TMEM170A: variants seen among roughly 807,000 people sequenced by gnomAD.
The protein encoded by TMEM170A is transmembrane protein 170.
A neutral mutation model predicts 12.8 loss-of-function variants in TMEM170A; 18 were observed. The ratio of observed to expected loss-of-function variants is 1.41; its 90% confidence interval spans 0.97 to 2.09. The LOEUF (loss-of-function observed/expected upper bound fraction) is 2.09, where lower values mean the gene tolerates loss of function less well. Ranked by LOEUF, TMEM170A falls within the 30% of genes most tolerant of loss-of-function variation. The pLI is 0.00. For synonymous variants in TMEM170A, 107 were observed against 76.2 expected (o/e 1.40, Z -2.11); for missense variants, 220 against 179.9 (o/e 1.22, Z -1.28).
chr16:75,461,517 G>A (rs2079908535), intron 1 of TMEM170A, among the ~76,000 whole-genome samples: 3 of 152,216 alleles, frequency 2.0e-5, no homozygotes, highest in African/African-American at 4.8e-5. Context: ...TACACTGCAA[G>A]TAACCTTTTC....
chr16:75,464,588 C>T lies in TMEM170A; in HGVS notation c.13G>A (p.Gly5Arg), dbSNP rs1567707783. The change falls in exon 1 of 3, where the codon GGG becomes AGG. Residue 5 changes from glycine to arginine, a missense_variant. Gly to Arg is a moderately radical substitution (Grantham distance 125). Transcript: ENST00000561878. The stretch of plus-strand genomic sequence containing the variant: ...GCCGACCCGCCGCTGCCGCCGCTCC[C>T]CTCGCGCTCCATCCCGTCGCCATTC... MERE[G>R]SGGSGGSAGL... 2 of 1,585,956 alleles carry T rather than the reference C, an allele frequency of 1.3e-6. No individual in the cohort carries two copies. Among genetic ancestry groups the T allele is most frequent in the Non-Finnish European group, 1.7e-6 (2 of 1,168,810 alleles).
chr16:75,464,737 T>A, upstream of TMEM170A: 2 of 1,247,112 alleles, frequency 1.6e-6, no homozygotes, highest in Non-Finnish European at 2.1e-6. Flanking sequence ...CGCTGCCAAG[T>A]GACCGTTGCC....
At position 75,447,337 on chromosome 16, in the gene TMEM170A, A is replaced by C. The variant is rs987712725; in HGVS notation, c.*221T>G. The stretch of plus-strand genomic sequence containing the variant: ...TAAATCAAATATCTACAAAAAAGAA[A>C]GCCAAAAGACTTGTTTTGGTTGAGA... On this transcript the variant is annotated 3_prime_UTR_variant, in exon 3 of 3. Coordinates refer to ENST00000561878, the MANE Select transcript of TMEM170A (RefSeq NM_145254.3). The C allele has an allele frequency of 2.6e-6, 1 of 378,684 alleles. No homozygotes were observed. The allele number at this position is 378,684 out of a possible 1,614,324, so 23.5% of individuals were successfully genotyped here.
chr16:75,452,074 C>T (rs113655287), intron 1 of TMEM170A, among the ~76,000 whole-genome samples: 4,098 of 152,144 alleles, frequency 0.027, 184 homozygotes, highest in African/African-American at 0.089. Flanking sequence ...TGGGTTCACA[C>T]GATTCTCCTG....
At chr16:75,458,453 T>C (rs748243598) in intron 1 of TMEM170A, 3 of 152,228 alleles carry the variant, frequency 2.0e-5, no homozygotes, top group Non-Finnish European at 4.4e-5. Context: ...ACAGGGTCTT[T>C]GTAAGACCAA....
chr16:75,451,168 G>A (rs2079674251), intron 2 of TMEM170A, among the ~76,000 whole-genome samples: 1 of 152,000 alleles, frequency 6.6e-6, no homozygotes, highest in African/African-American at 2.4e-5. Flanking sequence ...TGACTTCCCT[G>A]AAGCCACTGA....
At position 75,449,859 on chromosome 16, in the gene TMEM170A, A is replaced by G. The variant is rs148447717; in HGVS notation, c.304+1810T>C. Reference sequence around the variant, plus strand: ...GCTTAAGGAACTTGAACTGGGCCCTAAAGTGGGATTGGGATAATGAAGCGA... The same window carrying G: ...GCTTAAGGAACTTGAACTGGGCCCTGAAGTGGGATTGGGATAATGAAGCGA... On this transcript the variant is annotated intron_variant, in intron 2 of 2. Transcript: ENST00000561878. 7.0e-3 allele frequency among the ~76,000 whole-genome samples: 1,061 copies of G among 152,316 alleles called. 10 individuals are homozygous for G. The highest frequency in any genetic ancestry group is 0.026 in the South Asian group (124 of 4,830).
chr16:75,451,484 G>A (rs1359478604), intron 2 of TMEM170A, 185 bp downstream of exon 2: 4 of 639,214 alleles, frequency 6.3e-6, no homozygotes, highest in Non-Finnish European at 1.1e-5. Flanking sequence ...AAGAGGTGGA[G>A]GCTGCAGTGA....
chr16:75,447,532 T>C lies in TMEM170A; in HGVS notation c.*26A>G, dbSNP rs996241001. ...TTGGAGGATTCCATAAAGTTTAAGT[T>C]CAACATCTCAGCATAAGGATGTATG... On this transcript the variant is annotated 3_prime_UTR_variant, in exon 3 of 3. Coordinates refer to ENST00000561878, the MANE Select transcript of TMEM170A (RefSeq NM_145254.3). 5 of 1,585,966 alleles carry C rather than the reference T, an allele frequency of 3.2e-6. No homozygotes were observed. The highest frequency in any genetic ancestry group is 4.3e-6 in the Non-Finnish European group (5 of 1,170,708).
chr16:75,452,373 T>A (rs1359511158), intron 1 of TMEM170A, among the ~76,000 whole-genome samples: 1 of 152,152 alleles, frequency 6.6e-6, no homozygotes, highest in African/African-American at 2.4e-5. Flanking sequence ...GGTCTGGGTG[T>A]TCTCCCGCCT....
chr16:75,449,740 T>A (rs965698176), intron 2 of TMEM170A, among the ~76,000 whole-genome samples: 1 of 152,224 alleles, frequency 6.6e-6, no homozygotes, highest in Non-Finnish European at 1.5e-5. Context: ...CCACTGGCAA[T>A]GCGTACATTT....
chr16:75,464,634 G>T lies in TMEM170A; in HGVS notation c.-34C>A. The T allele has an allele frequency of 6.4e-7, 1 of 1,556,210 alleles. No individual in the cohort carries two copies. Among genetic ancestry groups the T allele is most frequent in the South Asian group, 1.2e-5 (1 of 85,424 alleles). Reference sequence around the variant, plus strand: ...CATTCACCACAGAGAAATGAGGGACGAGCGCCCGAAGTGCGGTAGCGGCCG... The same window carrying T: ...CATTCACCACAGAGAAATGAGGGACTAGCGCCCGAAGTGCGGTAGCGGCCG... On this transcript the variant is annotated 5_prime_UTR_variant, in exon 1 of 3. Coordinates refer to ENST00000561878, the MANE Select transcript of TMEM170A (RefSeq NM_145254.3).
intron 1 of TMEM170A, among the ~76,000 whole-genome samples, chr16:75,457,301 A>C (rs375737654): frequency 6.6e-6 from 1 of 152,352 alleles, no homozygotes. Context: ...CGAAGCTGGT[A>C]ATTTCCAGGA....
At chr16:75,458,486 G>T (rs917638628) in intron 1 of TMEM170A, 3 of 152,246 alleles carry the variant, frequency 2.0e-5, no homozygotes, top group Non-Finnish European at 2.9e-5. Context: ...GAGTCAGAGA[G>T]ATTTGAAGAT....
chr16:75,460,415 G>A (rs1363318996), intron 1 of TMEM170A, among the ~76,000 whole-genome samples: 1 of 152,020 alleles, frequency 6.6e-6, no homozygotes, highest in Non-Finnish European at 1.5e-5. Flanking sequence ...GTGCGTTGCC[G>A]ACACAGTCCC....
intron 1 of TMEM170A, among the ~76,000 whole-genome samples, chr16:75,463,892 C>G (rs2079949046): frequency 6.6e-6 from 1 of 152,238 alleles, no homozygotes; most frequent in Admixed American, 6.5e-5. Context: ...GGAGACCCAG[C>G]AACAGGTGGC....
At chr16:75,461,667 G>T (rs1455599478) in intron 1 of TMEM170A, among the ~76,000 whole-genome samples, 1 of 152,180 alleles carries the variant, frequency 6.6e-6, no homozygotes. Flanking sequence ...ACACAGCAGG[G>T]AGGTTATGTG....
chr16:75,452,101 A>AGCTGGGACT (rs1403038995), intron 1 of TMEM170A, among the ~76,000 whole-genome samples: 3 of 150,522 alleles, frequency 2.0e-5, no homozygotes, highest in African/African-American at 4.9e-5. Flanking sequence ...CCTCCCGAGT[A>AGCTGGGACT]GCTGGGACTA....
intron 1 of TMEM170A, among the ~76,000 whole-genome samples, chr16:75,462,939 C>A (rs942999839): frequency 6.6e-6 from 1 of 152,132 alleles, no homozygotes; most frequent in African/African-American, 2.4e-5. Flanking sequence ...TATCAGGCAT[C>A]AAGCAAGTGT....
Sources: allele counts gnomAD v4.1 joint callset (sites outside exome capture counted in the v4.1 genomes callset), GRCh38; gene constraint gnomAD v4.1.1; transcripts MANE v1.5; gene names NCBI Gene and HGNC (gene_info 2026-07-23, HGNC 2026-07-21).